Variants in GRM7 observed in about 807,000 individuals in gnomAD.
The protein encoded by GRM7 is metabotropic glutamate receptor 7.
GRM7 carries 35 observed loss-of-function variants against 84.5 expected under a neutral mutation model. The observed-to-expected ratio is 0.41, with a 90% CI of 0.32 to 0.55. The LOEUF is 0.55. Among genes scored for constraint, GRM7 ranks in the 20% least tolerant of loss-of-function variants. The probability of loss-of-function intolerance (pLI) is 0.19; values close to 1 mark genes in which losing one functional copy is unlikely to be tolerated. For missense variants in GRM7, 1,003 were observed against 1,194.6 expected, an observed-to-expected ratio of 0.84 and a Z score of 2.36; for synonymous variants, 487 against 455.1, an observed-to-expected ratio of 1.07 and a Z score of -0.89.
chr3:7,094,939 G>T (rs1698801527), intron 1 of GRM7, among the ~76,000 whole-genome samples: 1 of 150,572 alleles, frequency 6.6e-6, no homozygotes, highest in Non-Finnish European at 1.5e-5. Context: ...AATACTTGAT[G>T]AAAAATATAT....
At chr3:6,969,476 A>G (rs140970399) in intron 1 of GRM7, among the ~76,000 whole-genome samples, 2 of 152,308 alleles carry the variant, frequency 1.3e-5, no homozygotes, top group Non-Finnish European at 2.9e-5. Flanking sequence ...ATAGATTTGA[A>G]TCCAACTCTA....
At position 7,313,848 on chromosome 3, in the gene GRM7, C is replaced by T. The variant is rs376658758; in HGVS notation, c.1033+7196C>T. On this transcript the variant is annotated intron_variant, in intron 4 of 9. Coordinates refer to ENST00000357716, the MANE Select transcript of GRM7 (RefSeq NM_000844.4). ...GTCCCTAAGGGAAAATATAAACTAA[C>T]GAATGCTCTTACAATCATGAAGTCA... is the stretch of plus-strand genomic sequence containing the variant. Among the ~76,000 whole-genome samples the T allele has an allele frequency of 4.3e-4, 66 of 151,980 alleles. No individual in the cohort carries two copies. The South Asian group carries it at 0.012, about 28-fold the overall frequency.
intron 1 of GRM7, among the ~76,000 whole-genome samples, chr3:6,974,389 G>C (rs553049693): frequency 6.6e-6 from 1 of 152,180 alleles, no homozygotes; most frequent in Non-Finnish European, 1.5e-5. Flanking sequence ...TTTGGGAGCT[G>C]TCAGCCTAGA....
At chr3:6,947,164 A>G (rs1482519136) in intron 1 of GRM7, among the ~76,000 whole-genome samples, 4 of 152,136 alleles carry the variant, frequency 2.6e-5, no homozygotes, top group African/African-American at 7.2e-5. Context: ...GTTTTTGTCC[A>G]TTCAGTATGA....
At chr3:7,311,826 C>T (rs1034195657) in intron 4 of GRM7, among the ~76,000 whole-genome samples, 7 of 152,014 alleles carry the variant, frequency 4.6e-5, no homozygotes, top group Admixed American at 4.6e-4. Flanking sequence ...AATTCCTGAC[C>T]TCAAGTCATC....
At chr3:7,679,151 C>T (rs913636120) in intron 8 of GRM7, among the ~76,000 whole-genome samples, 8 of 152,108 alleles carry the variant, frequency 5.3e-5, no homozygotes, top group Middle Eastern at 3.4e-3. Context: ...CTGGGATGGG[C>T]ATGCTAAGAA....
At chr3:7,003,706 T>C (rs556414366) in intron 1 of GRM7, among the ~76,000 whole-genome samples, 102 of 152,364 alleles carry the variant, frequency 6.7e-4, no homozygotes, top group African/African-American at 2.5e-3. Flanking sequence ...AATAATGCAA[T>C]GTATTACTCT....
At chr3:7,367,745 A>T (rs1166517756) in intron 4 of GRM7, among the ~76,000 whole-genome samples, 1 of 151,858 alleles carries the variant, frequency 6.6e-6, no homozygotes, top group African/African-American at 2.4e-5. Context: ...AAAAACTAGT[A>T]CTGACCATTG....
intron 1 of GRM7, among the ~76,000 whole-genome samples, chr3:7,132,822 C>T (rs926697991): frequency 6.6e-6 from 1 of 152,158 alleles, no homozygotes; most frequent in East Asian, 1.9e-4. Context: ...TGTTCCATAG[C>T]ATTTCTGTTA....
At position 7,326,668 on chromosome 3, in the gene GRM7, C is replaced by T. The variant is rs564018657; in HGVS notation, c.1033+20016C>T. Reference sequence around the variant, plus strand: ...TTTGAGACCAGCCTGACCAACATGGCGAAACCCCATTTCTAGTAAAAATAT... The same window carrying T: ...TTTGAGACCAGCCTGACCAACATGGTGAAACCCCATTTCTAGTAAAAATAT... On this transcript the variant is annotated intron_variant, in intron 4 of 9. Coordinates refer to ENST00000357716, the MANE Select transcript of GRM7 (RefSeq NM_000844.4). 2.4e-3 allele frequency among the ~76,000 whole-genome samples: 360 copies of T among 151,756 alleles called. 2 individuals carry two copies. Among genetic ancestry groups the T allele is most frequent in the African/African-American group, 8.4e-3 (349 of 41,418 alleles).
At chr3:7,607,078 G>C (rs56121108) in intron 8 of GRM7, 1 of 151,938 alleles carries the variant, frequency 6.6e-6, no homozygotes, top group African/African-American at 2.4e-5. Flanking sequence ...AACCAAGGCA[G>C]ATGAGTTTTA....
At chr3:7,068,702 C>G (rs1033547479) in intron 1 of GRM7, among the ~76,000 whole-genome samples, 1 of 151,934 alleles carries the variant, frequency 6.6e-6, no homozygotes, top group Non-Finnish European at 1.5e-5. Flanking sequence ...CTCCTGAACC[C>G]TATTACTTTT....
Position 7,219,850 on chromosome 3 carries a change from A to G in GRM7, c.736+73182A>G, listed in dbSNP as rs985606290. On this transcript the variant is annotated intron_variant, in intron 2 of 9. Coordinates refer to ENST00000357716, the MANE Select transcript of GRM7 (RefSeq NM_000844.4). ...GCTGATCTTATGATTGAGGCAGGAA[A>G]TATTCAAGATGATTCTGGAGTATCT... 4.6e-5 allele frequency among the ~76,000 whole-genome samples: 7 copies of G among 152,284 alleles called. 1 individual carries two copies. The South Asian group carries it at 1.2e-3, about 27-fold the overall frequency.
At chr3:7,547,496 G>A (rs545713880) in intron 7 of GRM7, among the ~76,000 whole-genome samples, 3 of 152,068 alleles carry the variant, frequency 2.0e-5, no homozygotes, top group African/African-American at 4.8e-5. Flanking sequence ...GTGGGCCACC[G>A]CAAGGCCAAG....
chr3:6,921,339 A>T (rs1293888694), intron 1 of GRM7, among the ~76,000 whole-genome samples: 1 of 152,190 alleles, frequency 6.6e-6, no homozygotes. Context: ...AACAGGAGGC[A>T]GCAGTGCCCG....
intron 8 of GRM7, among the ~76,000 whole-genome samples, chr3:7,630,802 C>G (rs1697829690): frequency 6.6e-6 from 1 of 152,154 alleles, no homozygotes; most frequent in South Asian, 2.1e-4. Flanking sequence ...GAAGTAGGTA[C>G]AAAATGAGCA....
At chr3:7,097,065 G>C (rs565383387) in intron 1 of GRM7, among the ~76,000 whole-genome samples, 4 of 152,084 alleles carry the variant, frequency 2.6e-5, no homozygotes, top group African/African-American at 9.7e-5. Context: ...CGAGTCTGGG[G>C]CACAATTTAG....
chr3:6,952,090 G>C (rs1692799249), intron 1 of GRM7, among the ~76,000 whole-genome samples: 1 of 151,928 alleles, frequency 6.6e-6, no homozygotes, highest in African/African-American at 2.4e-5. Context: ...ATTTGTTTCA[G>C]ATTTCAAATA....
chr3:7,532,055 A>T (rs1033814675), intron 7 of GRM7, among the ~76,000 whole-genome samples: 3 of 152,158 alleles, frequency 2.0e-5, no homozygotes, highest in Non-Finnish European at 4.4e-5. Context: ...ATAGATGTTC[A>T]TCAGGGATAT....
Sources: gnomAD v4.1 joint callset for allele counts (sites outside exome capture counted in the v4.1 genomes callset) on GRCh38, gnomAD v4.1.1 for gene constraint, MANE v1.5 for transcripts, NCBI Gene and HGNC (gene_info 2026-07-23, HGNC 2026-07-21) for gene names.